The following GPR83 variants were observed in gnomAD, a reference collection of about 807,000 sequenced individuals.
The protein encoded by GPR83 is G-protein coupled receptor 72.
A neutral mutation model predicts 28.0 loss-of-function variants in GPR83; 23 were observed. That is an observed-to-expected ratio of 0.82 (90% CI 0.59 to 1.16). The LOEUF is 1.16. Among genes scored for constraint, GPR83 ranks in the 50% most tolerant of loss-of-function variants. The probability of loss-of-function intolerance (pLI) is 0.00; values close to 1 mark genes in which losing one functional copy is unlikely to be tolerated. For synonymous variants in GPR83, 234 were observed against 215.4 expected, an observed-to-expected ratio of 1.09 and a Z score of -0.76; for missense variants, 610 against 536.6, an observed-to-expected ratio of 1.14 and a Z score of -1.35.
In GPR83 at chr11:94,392,696, C is replaced by T. The variant is rs189475137; in HGVS notation, c.647+789G>A. ...AAAAAATTAGCTAGGCATGATGGTGCGTGCCTGTAATCCCAGCTACTTGGG... is the reference window on the plus strand; with the variant it reads ...AAAAAATTAGCTAGGCATGATGGTGTGTGCCTGTAATCCCAGCTACTTGGG... On this transcript the variant is annotated intron_variant, in intron 3 of 3. Transcript: ENST00000243673. Among the ~76,000 whole-genome samples, 7 of 152,052 alleles carry T rather than the reference C, an allele frequency of 4.6e-5. No individual in the cohort carries two copies. In the East Asian group the frequency reaches 5.8e-4, roughly 13 times the overall value.
chr11:94,393,508 C>T lies in GPR83; in HGVS notation c.624G>A (p.Gln208=). ...ACCTGTATTTGAAGGTAAATAATTT[C>T]TGGCAGATAGCATGTGGGAGTGAAA... ...TFFSLPHAIC[Q]KLFTFKYSED... is the part of the protein sequence containing the mutation. Residue 208 remains glutamine (Q), a synonymous_variant, in exon 3 of 4, where the codon CAG becomes CAA. Coordinates refer to ENST00000243673, the MANE Select transcript of GPR83 (RefSeq NM_016540.4). 10 of 1,614,066 alleles carry T rather than the reference C, an allele frequency of 6.2e-6. No homozygotes were observed. The highest frequency in any genetic ancestry group is 7.6e-6 in the Non-Finnish European group (9 of 1,179,950).
In GPR83 at chr11:94,380,143, C is replaced by G. The variant is rs1254598306; in HGVS notation, c.*6G>C. On this transcript the variant is annotated 3_prime_UTR_variant, in exon 4 of 4. Coordinates refer to ENST00000243673, the MANE Select transcript of GPR83 (RefSeq NM_016540.4). ...GACCCCTCCCACTCCCTCTTCCCAA[C>G]CTCTTCTAACTCATCGTCACAATGG... 2 of 1,505,088 alleles carry G rather than the reference C, an allele frequency of 1.3e-6. No individual in the cohort carries two copies. The allele number at this position is 1,505,088 out of a possible 1,614,324, so 93.2% of individuals were successfully genotyped here.
At position 94,401,348 on chromosome 11, in the gene GPR83, G is replaced by A; in HGVS notation, c.-101C>T. On this transcript the variant is annotated 5_prime_UTR_variant, in exon 1 of 4. Coordinates refer to ENST00000243673, the MANE Select transcript of GPR83 (RefSeq NM_016540.4). ...GGGTGCGGGGCGCACAGCATACAAG[G>A]CCGTCCCGAGGAGCCAGGGAGCCCG... is the stretch of plus-strand genomic sequence containing the variant. 8.7e-7 allele frequency: 1 copy of A among 1,146,026 alleles called. No individual in the cohort carries two copies. The highest frequency in any genetic ancestry group is 1.6e-5 in the African/African-American group (1 of 62,116). 71.0% of individuals were successfully genotyped at this position (1,146,026 alleles called of 1,614,324 possible).
intron 3 of GPR83, among the ~76,000 whole-genome samples, chr11:94,389,677 C>A (rs1433694434): frequency 1.3e-5 from 2 of 152,194 alleles, no homozygotes; most frequent in African/African-American, 4.8e-5. Flanking sequence ...ACAACAGGTG[C>A]TGGAGAGGCT....
chr11:94,388,270 G>A (rs1293320369), intron 3 of GPR83, among the ~76,000 whole-genome samples: 1 of 152,182 alleles, frequency 6.6e-6, no homozygotes, highest in Non-Finnish European at 1.5e-5. Flanking sequence ...CACAAGACAG[G>A]CATGCCCTCT....
chr11:94,387,902 G>A (rs556156345), intron 3 of GPR83, among the ~76,000 whole-genome samples: 8 of 152,142 alleles, frequency 5.3e-5, no homozygotes, highest in South Asian at 2.1e-4. Context: ...TATCCCAGAC[G>A]AACATCAATG....
chr11:94,387,905 C>T (rs11528970), intron 3 of GPR83, among the ~76,000 whole-genome samples: 14,797 of 152,260 alleles, frequency 0.097, 775 homozygotes, highest in South Asian at 0.19. Flanking sequence ...CCCAGACGAA[C>T]ATCAATGCAA....
Position 94,380,760 on chromosome 11 carries a change from G to A in GPR83, c.661C>T (p.Arg221Cys), listed in dbSNP as rs759877918. 2.6e-5 allele frequency: 42 copies of A among 1,609,288 alleles called. No individual in the cohort carries two copies. Among genetic ancestry groups the A allele is most frequent in the East Asian group, 8.9e-5 (4 of 44,816 alleles). Residue 221 changes from arginine (R) to cysteine (C), a missense_variant, in exon 4 of 4, where the codon CGC becomes TGC. By Grantham distance (180) the Arg-to-Cys change is radical. Transcript: ENST00000243673. The stretch of plus-strand genomic sequence containing the variant: ...GGGAAGTCTGGCAGGCAGAGGGAGC[G>A]CACAATGTCCTCACTGGGGGCAGGA... The part of the protein sequence containing the change: ...FTFKYSEDIV[R>C]SLCLPDFPEP...
Position 94,393,522 on chromosome 11 carries a change from G to A in GPR83, c.610C>T (p.His204Tyr), listed in dbSNP as rs1317573113. ...WTMATFFSLP[H>Y]AICQKLFTFK... ...GTAAATAATTTCTGGCAGATAGCAT[G>A]TGGGAGTGAAAAGAACGTAGCCATG... The change falls in exon 3 of 4, where the codon CAT (histidine) becomes TAT (tyrosine). Residue 204 changes from histidine to tyrosine, a missense_variant. Coordinates refer to ENST00000243673, the MANE Select transcript of GPR83 (RefSeq NM_016540.4). The A allele has an allele frequency of 6.2e-7, 1 of 1,613,848 alleles. No individual in the cohort carries two copies. The highest frequency in any genetic ancestry group is 8.5e-7 in the Non-Finnish European group (1 of 1,179,818).
intron 3 of GPR83, among the ~76,000 whole-genome samples, chr11:94,388,555 A>C (rs1330866164): frequency 6.6e-6 from 1 of 152,226 alleles, no homozygotes. Context: ...CCAAATCATG[A>C]GTGAACTCCC....
intron 3 of GPR83, among the ~76,000 whole-genome samples, chr11:94,391,706 A>C (rs961993325): frequency 1.3e-5 from 2 of 152,246 alleles, no homozygotes; most frequent in Non-Finnish European, 2.9e-5. Context: ...TATGCAGCCA[A>C]GAGACATTTG....
rs1430427425 is a variant in GPR83 at position 94,388,761 on chromosome 11, T to C, written c.647+4724A>G. On this transcript the variant is annotated intron_variant, in intron 3 of 3. Coordinates refer to ENST00000243673, the MANE Select transcript of GPR83 (RefSeq NM_016540.4). ...TGGCCATACTGCCCAAGGTAATTTA[T>C]AGATTCAATGCCATCCCCATCAAGC... Among the ~76,000 whole-genome samples, 4 of 152,304 alleles carry C rather than the reference T, an allele frequency of 2.6e-5. No homozygotes were observed. The East Asian group carries it at 5.8e-4, about 22-fold the overall frequency.
intron 3 of GPR83, among the ~76,000 whole-genome samples, chr11:94,387,978 G>T (rs1037011540): frequency 6.6e-6 from 1 of 152,178 alleles, no homozygotes; most frequent in African/African-American, 2.4e-5. Context: ...TATCCACCAT[G>T]ATCAAGTGGG....
In GPR83 at chr11:94,377,476, G is replaced by A. The variant is rs532705378; in HGVS notation, c.*2673C>T. The A allele has an allele frequency of 6.6e-5, 10 of 152,168 alleles. No homozygotes were observed. Among genetic ancestry groups the A allele is most frequent in the African/African-American group, 1.4e-4 (6 of 41,572 alleles). The allele number at this position is 152,168 out of a possible 1,614,324, so 9.4% of individuals were successfully genotyped here. ...ACCTCGGGGAAGGGACAGATCTAAT[G>A]AGCCATCAGTGGGTTCTCCCCAGAG... On this transcript the variant is annotated 3_prime_UTR_variant, in exon 4 of 4. Coordinates refer to ENST00000243673, the MANE Select transcript of GPR83 (RefSeq NM_016540.4).
Position 94,379,871 on chromosome 11 carries a change from C to T in GPR83, c.*278G>A, listed in dbSNP as rs3740865. Reference sequence around the variant, plus strand: ...TTGAATGATTCAGCCCCCATCTGGGCCAACGTTGTCCTCGCTCCTCTTCCT... The same window carrying T: ...TTGAATGATTCAGCCCCCATCTGGGTCAACGTTGTCCTCGCTCCTCTTCCT... On this transcript the variant is annotated 3_prime_UTR_variant, in exon 4 of 4. Coordinates refer to ENST00000243673, the MANE Select transcript of GPR83 (RefSeq NM_016540.4). 19,018 of 278,190 alleles carry T rather than the reference C, an allele frequency of 0.068. 852 individuals are homozygous for T. The highest frequency in any genetic ancestry group is 0.13 in the Admixed American group (2,858 of 21,512). The allele number at this position is 278,190 out of a possible 1,614,324, so 17.2% of individuals were successfully genotyped here. A position where few individuals can be genotyped will look rare whatever the true frequency, so the allele number is the denominator to read the frequency against.
At chr11:94,393,451 A>G in intron 3 of GPR83, 34 bp downstream of exon 3, 1 of 1,609,736 alleles carries the variant, frequency 6.2e-7, no homozygotes, top group Non-Finnish European at 8.5e-7. Context: ...AGAAGACACA[A>G]GTCCCCAGGC....
chr11:94,396,253 C>G, intron 2 of GPR83, 146 bp downstream of exon 2: 2 of 725,744 alleles, frequency 2.8e-6, no homozygotes, highest in East Asian at 2.5e-5. Flanking sequence ...CTTAATATCC[C>G]TAACCTATGT....
chr11:94,396,698 A>G (rs537891735), intron 1 of GPR83, among the ~76,000 whole-genome samples, 174 bp from the exon 2 acceptor site: 1 of 152,232 alleles, frequency 6.6e-6, no homozygotes, highest in Non-Finnish European at 1.5e-5. Flanking sequence ...ACTCATTTTC[A>G]TTCATTCAAT....
chr11:94,389,693 G>A (rs569719242), intron 3 of GPR83, among the ~76,000 whole-genome samples: 1 of 152,192 alleles, frequency 6.6e-6, no homozygotes, highest in Admixed American at 6.5e-5. Context: ...AGGCTGTGGA[G>A]AAATAGGAAT....
Sources: allele counts gnomAD v4.1 joint callset (sites outside exome capture counted in the v4.1 genomes callset), GRCh38; gene constraint gnomAD v4.1.1; transcripts MANE v1.5; gene names NCBI Gene and HGNC (gene_info 2026-07-23, HGNC 2026-07-21).